ZEB2: variants seen among roughly 807,000 people sequenced by gnomAD.
The protein encoded by ZEB2 is zinc finger E-box-binding homeobox 2.
ZEB2 carries 6 observed loss-of-function variants against 99.9 expected under a neutral mutation model. That is an observed-to-expected ratio of 0.06 (90% CI 0.03 to 0.12). The LOEUF (loss-of-function observed/expected upper bound fraction) is 0.12, where lower values mean the gene tolerates loss of function less well. ZEB2 is among the 10% of genes least tolerant of loss of function. The pLI is 1.00. For synonymous variants in ZEB2, 517 were observed against 542.5 expected (o/e 0.95, Z 0.65); for missense variants, 969 against 1,502.8 (o/e 0.64, Z 5.87).
intron 2 of ZEB2, chr2:144,494,649 A>T (rs564183548): frequency 6.6e-6 from 1 of 152,290 alleles, no homozygotes; most frequent in Admixed American, 6.5e-5. Flanking sequence ...TAAAATTGAC[A>T]TATTGATTCC....
intron 2 of ZEB2, chr2:144,463,853 CAAAAA>C (rs912366406): frequency 6.9e-6 from 1 of 144,410 alleles, no homozygotes; most frequent in Non-Finnish European, 1.5e-5. Flanking sequence ...AAACAAAAAA[CAAAAA>C]ACAAAAAAAG....
intron 2 of ZEB2, among the ~76,000 whole-genome samples, chr2:144,479,284 G>A (rs961511257): frequency 3.3e-5 from 5 of 152,062 alleles, no homozygotes; most frequent in Admixed American, 6.6e-5. Flanking sequence ...TTGTTTCCCC[G>A]GATTCTTTTG....
Position 144,490,001 on chromosome 2 carries a change from T to C in ZEB2, c.73+27277A>G, listed in dbSNP as rs565356804. Reference sequence around the variant, plus strand: ...AAAGGCTGTTTTTGCCTCTTGTTGCTTTCTGGTATTCATTCTGACTCTCTT... The same window carrying C: ...AAAGGCTGTTTTTGCCTCTTGTTGCCTTCTGGTATTCATTCTGACTCTCTT... On this transcript the variant is annotated intron_variant, in intron 2 of 9. Coordinates refer to ENST00000627532, the MANE Select transcript of ZEB2 (RefSeq NM_014795.4). 3.3e-5 allele frequency among the ~76,000 whole-genome samples: 5 copies of C among 152,364 alleles called. 1 individual carries two copies. The South Asian group carries it at 8.3e-4, about 25-fold the overall frequency.
rs202199254 is a variant in ZEB2, at chr2:144,401,185, C to T, written c.916+14G>A. The T allele has an allele frequency of 6.2e-7, 1 of 1,611,044 alleles. No individual in the cohort carries two copies. The highest frequency in any genetic ancestry group is 2.2e-5 in the East Asian group (1 of 44,844). On this transcript the variant is annotated intron_variant, in intron 7 of 9. Coordinates refer to ENST00000627532, the MANE Select transcript of ZEB2 (RefSeq NM_014795.4). ...TAAAATGCAAATGCGAGCTCCAGCA[C>T]CTCTGCTACTCACCACTGTGAATTC...
chr2:144,490,176 G>C (rs567467214), intron 2 of ZEB2, among the ~76,000 whole-genome samples: 1 of 152,266 alleles, frequency 6.6e-6, no homozygotes, highest in African/African-American at 2.4e-5. Context: ...ACTCTCCCCA[G>C]ATATAGTTCA....
At chr2:144,416,870 C>A (rs1052098316) in intron 4 of ZEB2, among the ~76,000 whole-genome samples, 5 of 152,200 alleles carry the variant, frequency 3.3e-5, no homozygotes, top group African/African-American at 1.2e-4. Flanking sequence ...CTGTCAGAAA[C>A]CCTCTACAAT....
At position 144,385,687 on chromosome 2, in the gene ZEB2, C is replaced by T. The variant is rs1190298576; in HGVS notation, c.*3764G>A. 1.3e-5 allele frequency: 2 copies of T among 152,140 alleles called. No homozygotes were observed. The highest frequency in any genetic ancestry group is 2.9e-5 in the Non-Finnish European group (2 of 68,028). 9.4% of individuals were successfully genotyped at this position (152,140 alleles called of 1,614,324 possible). A position where few individuals can be genotyped will look rare whatever the true frequency, so the allele number is the denominator to read the frequency against. ...GGGCCCTACAGCCCCTGAATGGCCT[C>T]ACACATCTTGGAGCAAAAGCATGGT... is the stretch of plus-strand genomic sequence containing the variant. On this transcript the variant is annotated 3_prime_UTR_variant, in exon 10 of 10. Coordinates refer to ENST00000627532, the MANE Select transcript of ZEB2 (RefSeq NM_014795.4).
chr2:144,420,322 T>C (rs1029160368), intron 4 of ZEB2, among the ~76,000 whole-genome samples: 1 of 152,166 alleles, frequency 6.6e-6, no homozygotes, highest in Non-Finnish European at 1.5e-5. Flanking sequence ...CTCCAACTCC[T>C]GGACTGAAGC....
At chr2:144,414,079 G>A (rs1472295287) in intron 4 of ZEB2, among the ~76,000 whole-genome samples, 1 of 152,194 alleles carries the variant, frequency 6.6e-6, no homozygotes, top group African/African-American at 2.4e-5. Context: ...TGGCACCACT[G>A]TATTTCTTGC....
chr2:144,482,465 C>T (rs1704526590), intron 2 of ZEB2: 1 of 152,194 alleles, frequency 6.6e-6, no homozygotes, highest in Admixed American at 6.5e-5. Context: ...TTCTCATAAT[C>T]CAAATGTGTT....
chr2:144,456,383 T>G (rs1214343288), intron 2 of ZEB2, among the ~76,000 whole-genome samples: 1 of 152,194 alleles, frequency 6.6e-6, no homozygotes, highest in Admixed American at 6.5e-5. Context: ...ATGATAAGTA[T>G]GTGGGCTTTT....
At chr2:144,397,132 A>G (rs546057987) in intron 8 of ZEB2, among the ~76,000 whole-genome samples, 5 of 152,344 alleles carry the variant, frequency 3.3e-5, no homozygotes, top group African/African-American at 1.2e-4. Flanking sequence ...AACACTTTTT[A>G]TCAATGTTCT....
At chr2:144,446,537 A>G (rs1467453168) in intron 2 of ZEB2, among the ~76,000 whole-genome samples, 1 of 152,128 alleles carries the variant, frequency 6.6e-6, no homozygotes, top group East Asian at 1.9e-4. Flanking sequence ...ACATGTATAT[A>G]TTATCTTCAG....
chr2:144,478,260 G>C (rs1704458149), intron 2 of ZEB2, among the ~76,000 whole-genome samples: 2 of 152,126 alleles, frequency 1.3e-5, no homozygotes, highest in South Asian at 4.1e-4. Flanking sequence ...AAATCTACAA[G>C]GACACTTAGA....
chr2:144,483,604 G>C (rs1573789977), intron 2 of ZEB2, among the ~76,000 whole-genome samples: 1 of 152,338 alleles, frequency 6.6e-6, no homozygotes, highest in Non-Finnish European at 1.5e-5. Flanking sequence ...CAATATTTAT[G>C]AAGATGTTAG....
chr2:144,473,491 G>T (rs1704387463), intron 2 of ZEB2, among the ~76,000 whole-genome samples: 1 of 152,050 alleles, frequency 6.6e-6, no homozygotes, highest in Non-Finnish European at 1.5e-5. Context: ...TTAAATTCTT[G>T]GGCTCAAGCC....
At chr2:144,503,667 ACACTTTT>A (rs1187938983) in intron 2 of ZEB2, 2 of 152,104 alleles carry the variant, frequency 1.3e-5, no homozygotes, top group Non-Finnish European at 2.9e-5. Context: ...GGCAAAGGAA[ACACTTTT>A]CATATTTGTT....
At chr2:144,398,209 T>G in intron 8 of ZEB2, 92 bp downstream of exon 8, 1 of 1,534,090 alleles carries the variant, frequency 6.5e-7, no homozygotes, top group Non-Finnish European at 8.8e-7. Flanking sequence ...TTCTGCTGAG[T>G]TTTTTCACTA....
rs114821710 is a variant in ZEB2, at chr2:144,483,349, C to T, written c.73+33929G>A. Among the ~76,000 whole-genome samples, 237 of 152,286 alleles carry T rather than the reference C, an allele frequency of 1.6e-3. 2 individuals carry two copies. The highest frequency in any genetic ancestry group is 5.3e-3 in the African/African-American group (219 of 41,548). The stretch of plus-strand genomic sequence containing the variant: ...ATTAAATGTCTTCTCTGTCTAGCTC[C>T]TACAATTGTTGTAAAGATCAAATGA... On this transcript the variant is annotated intron_variant, in intron 2 of 9. Coordinates refer to ENST00000627532, the MANE Select transcript of ZEB2 (RefSeq NM_014795.4).
Sources: gnomAD v4.1 joint callset for allele counts (sites outside exome capture counted in the v4.1 genomes callset) on GRCh38, gnomAD v4.1.1 for gene constraint, MANE v1.5 for transcripts, NCBI Gene and HGNC (gene_info 2026-07-23, HGNC 2026-07-21) for gene names.